TTLL11: variants seen among roughly 807,000 people sequenced by gnomAD.
The protein encoded by TTLL11 is tubulin tyrosine ligase like 11, also known as tubulin polyglutamylase TTLL11.
A neutral mutation model predicts 51.7 loss-of-function variants in TTLL11; 42 were observed. The ratio of observed to expected loss-of-function variants is 0.81; its 90% CI spans 0.64 to 1.05. The LOEUF (loss-of-function observed/expected upper bound fraction) is 1.05. Among genes scored for constraint, TTLL11 ranks in the 50% least tolerant of loss-of-function variants. TTLL11 has a pLI of 0.00. For synonymous variants in TTLL11, 381 were observed against 383.5 expected, an observed-to-expected ratio of 0.99 and a Z score of 0.08; for missense variants, 799 against 940.4, an observed-to-expected ratio of 0.85 and a Z score of 1.97.
At chr9:121,828,054 C>A (rs1460746137) in intron 8 of TTLL11, among the ~76,000 whole-genome samples, 1 of 152,198 alleles carries the variant, frequency 6.6e-6, no homozygotes, top group Non-Finnish European at 1.5e-5. Flanking sequence ...GCAGAAAGTG[C>A]CATAGAGCCC....
At chr9:121,950,164 T>A (rs35973567) in intron 6 of TTLL11, among the ~76,000 whole-genome samples, 30,455 of 152,036 alleles carry the variant, frequency 0.2, 3,213 homozygotes, top group Middle Eastern at 0.21. Context: ...CAATGACTCT[T>A]CACCCAAGAT....
At chr9:122,083,549 C>T (rs1588266872) in intron 1 of TTLL11, among the ~76,000 whole-genome samples, 1 of 152,222 alleles carries the variant, frequency 6.6e-6, no homozygotes, top group Admixed American at 6.5e-5. Context: ...CGGTGGCTCA[C>T]ACCTGTAATT....
At chr9:122,022,771 A>C (rs1206165673) in intron 3 of TTLL11, among the ~76,000 whole-genome samples, 1 of 152,056 alleles carries the variant, frequency 6.6e-6, no homozygotes, top group African/African-American at 2.4e-5. Flanking sequence ...TCTCTTTAAA[A>C]TAGAGTTGAT....
chr9:121,833,569 A>C (rs1000998847), intron 8 of TTLL11, among the ~76,000 whole-genome samples: 7 of 152,164 alleles, frequency 4.6e-5, no homozygotes, highest in African/African-American at 1.4e-4. Context: ...TGGTGGGAAG[A>C]GGACATGTTT....
chr9:122,002,752 C>T (rs541503907), intron 3 of TTLL11, among the ~76,000 whole-genome samples: 6 of 152,072 alleles, frequency 3.9e-5, no homozygotes, highest in Admixed American at 2.6e-4. Context: ...CGAGACCATC[C>T]TGGCCAACAT....
At chr9:121,986,876 C>G (rs965277697) in intron 4 of TTLL11, among the ~76,000 whole-genome samples, 1 of 151,804 alleles carries the variant, frequency 6.6e-6, no homozygotes, top group Admixed American at 6.6e-5. Flanking sequence ...CTGGAAATAA[C>G]CCAAATGTTC....
intron 3 of TTLL11, 68 bp downstream of exon 3, chr9:122,031,655 C>T: frequency 6.4e-7 from 1 of 1,561,504 alleles, no homozygotes. Context: ...GCTCCCAGCA[C>T]ACAGGACCCA....
chr9:122,017,919 A>G (rs983979725), intron 3 of TTLL11, among the ~76,000 whole-genome samples: 3 of 152,172 alleles, frequency 2.0e-5, no homozygotes, highest in African/African-American at 7.2e-5. Flanking sequence ...TAAAGAAAAA[A>G]CAGCTCTGTG....
At chr9:122,029,634 G>C (rs368360842) in intron 3 of TTLL11, among the ~76,000 whole-genome samples, 35 of 152,054 alleles carry the variant, frequency 2.3e-4, no homozygotes, top group African/African-American at 8.2e-4. Context: ...GAGTCTAAAA[G>C]GTTTTTAAAA....
chr9:121,839,193 T>C (rs1000570045), intron 8 of TTLL11, among the ~76,000 whole-genome samples: 2 of 152,260 alleles, frequency 1.3e-5, no homozygotes, highest in African/African-American at 4.8e-5. Context: ...TCTAATTACA[T>C]GCAATTTCTG....
In TTLL11 at chr9:122,010,397, G is replaced by A. The variant is rs146243971; in HGVS notation, c.694-20627C>T. Among the ~76,000 whole-genome samples, 1,283 of 152,250 alleles carry A rather than the reference G, an allele frequency of 8.4e-3. 21 individuals are homozygous for A. Among genetic ancestry groups the A allele is most frequent in the African/African-American group, 0.029 (1,217 of 41,550 alleles). ...ATTATTTCAGCCCTCTATCTCAGGG[G>A]CTGGCAAACTTTGGAGCGTGGTTCA... On this transcript the variant is annotated intron_variant, in intron 3 of 8. Coordinates refer to ENST00000321582, the MANE Select transcript of TTLL11 (RefSeq NM_001139442.2).
chr9:122,050,274 A>C (rs1168625960), intron 1 of TTLL11, among the ~76,000 whole-genome samples: 1 of 152,226 alleles, frequency 6.6e-6, no homozygotes, highest in African/African-American at 2.4e-5. Context: ...AAATCACCTC[A>C]ACAAGTAACT....
chr9:121,979,317 G>A (rs762204957), intron 4 of TTLL11, among the ~76,000 whole-genome samples: 6 of 152,192 alleles, frequency 3.9e-5, no homozygotes, highest in Non-Finnish European at 5.9e-5. Flanking sequence ...CATGTGGGCT[G>A]CAGCCTTGAG....
At position 121,817,920 on chromosome 9, in the gene TTLL11, G is replaced by A. The variant is rs1221953878; in HGVS notation, c.*4667C>T. 2 of 152,246 alleles carry A rather than the reference G, an allele frequency of 1.3e-5. No individual in the cohort carries two copies. The highest frequency in any genetic ancestry group is 4.8e-5 in the African/African-American group (2 of 41,448). The allele number at this position is 152,246 out of a possible 1,614,324, so 9.4% of individuals were successfully genotyped here. On this transcript the variant is annotated 3_prime_UTR_variant, in exon 9 of 9. Coordinates refer to ENST00000321582, the MANE Select transcript of TTLL11 (RefSeq NM_001139442.2). ...TGGATCTAGAAGTGCTTTGTAAACTGTGAAGGATTGAGCATGTGCTGATAA... is the reference window on the plus strand; with the variant it reads ...TGGATCTAGAAGTGCTTTGTAAACTATGAAGGATTGAGCATGTGCTGATAA...
chr9:121,982,717 C>CAAAAA (rs71371907), intron 4 of TTLL11, among the ~76,000 whole-genome samples: 4 of 97,422 alleles, frequency 4.1e-5, no homozygotes, highest in Non-Finnish European at 5.7e-5. Flanking sequence ...AACTCCAACT[C>CAAAAA]AAAAAAAAAA....
intron 6 of TTLL11, among the ~76,000 whole-genome samples, chr9:121,940,540 G>T (rs1216802610): frequency 6.6e-6 from 1 of 152,048 alleles, no homozygotes; most frequent in Admixed American, 6.6e-5. Context: ...GTTTCACTAT[G>T]TTGGGTTTCA....
Position 121,969,087 on chromosome 9 carries a change from C to A in TTLL11, c.1481+4922G>T, listed in dbSNP as rs371208262. ...GTTTCACCATGTTGGCCAGGCTGGT[C>A]TTGAACTCCTGACCTCAAGTAATCC... On this transcript the variant is annotated intron_variant, in intron 6 of 8. Transcript: ENST00000321582. Among the ~76,000 whole-genome samples the A allele has an allele frequency of 3.7e-4, 56 of 152,290 alleles. 1 individual carries two copies. In the East Asian group the frequency reaches 7.1e-3, roughly 19 times the overall value.
intron 6 of TTLL11, among the ~76,000 whole-genome samples, chr9:121,910,049 C>A (rs1840063191): frequency 6.6e-6 from 1 of 152,144 alleles, no homozygotes; most frequent in South Asian, 2.1e-4. Context: ...GTATGTAGGG[C>A]AGAAATTATA....
chr9:122,030,510 T>TA (rs1418928087), intron 3 of TTLL11, among the ~76,000 whole-genome samples: 1 of 152,204 alleles, frequency 6.6e-6, no homozygotes, highest in Non-Finnish European at 1.5e-5. Flanking sequence ...GAAATAGCTC[T>TA]AGGTTTTAAA....
Sources: allele counts gnomAD v4.1 joint callset (sites outside exome capture counted in the v4.1 genomes callset), GRCh38; gene constraint gnomAD v4.1.1; transcripts MANE v1.5; gene names NCBI Gene and HGNC (gene_info 2026-07-23, HGNC 2026-07-21).